Variants in FBRSL1 observed in about 807,000 individuals in gnomAD.
FBRSL1 encodes the protein fibrosin like 1, also known as fibrosin-1-like protein.
In FBRSL1, 51 loss-of-function variants were observed where a neutral mutation model predicts 89.6. That is an observed-to-expected ratio of 0.57 (90% CI 0.45 to 0.72). The LOEUF (loss-of-function observed/expected upper bound fraction) is 0.72. FBRSL1 is among the 30% of genes least tolerant of loss of function. The pLI, the probability that FBRSL1 is intolerant of heterozygous loss-of-function variation, is 0.00. For synonymous variants in FBRSL1, 779 were observed against 681.1 expected, an observed-to-expected ratio of 1.14 and a Z score of -2.24; for missense variants, 1,618 against 1,451.8, an observed-to-expected ratio of 1.11 and a Z score of -1.86.
At chr12:132,522,531 AG>A (rs1379301368) in intron 2 of FBRSL1, among the ~76,000 whole-genome samples, 2 of 152,052 alleles carry the variant, frequency 1.3e-5, no homozygotes, top group Non-Finnish European at 2.9e-5. Flanking sequence ...CAGGTTGCTG[AG>A]GGTTCAGGAA....
chr12:132,581,490 G>A lies in FBRSL1; in HGVS notation c.1886G>A (p.Ser629Asn), dbSNP rs1274787495. The A allele has an allele frequency of 1.3e-6, 2 of 1,551,106 alleles. No individual in the cohort carries two copies. The highest frequency in any genetic ancestry group is 1.7e-6 in the Non-Finnish European group (2 of 1,146,930). Residue 629 changes from serine (S) to asparagine (N), a missense_variant, in exon 16 of 19, where the codon AGC becomes AAC. By Grantham distance (46) the Ser-to-Asn change is conservative. Coordinates refer to ENST00000680143, the MANE Select transcript of FBRSL1 (RefSeq NM_001367871.1). Reference sequence around the variant, plus strand: ...TTTGGACCCTCAGCCCATCCTGGCAGCTTCCTGCCCACTGGCCCCCTGACA... The same window carrying A: ...TTTGGACCCTCAGCCCATCCTGGCAACTTCCTGCCCACTGGCCCCCTGACA... ...NPFGPSAHPG[S>N]FLPTGPLTDP...
At chr12:132,523,373 C>T (rs1167867692) in intron 2 of FBRSL1, among the ~76,000 whole-genome samples, 4 of 152,186 alleles carry the variant, frequency 2.6e-5, no homozygotes, top group Admixed American at 6.5e-5. Flanking sequence ...AGACCCCACC[C>T]CACGACCGGC....
intron 2 of FBRSL1, among the ~76,000 whole-genome samples, chr12:132,513,816 C>T (rs983571303): frequency 2.0e-5 from 3 of 152,172 alleles, no homozygotes; most frequent in Non-Finnish European, 2.9e-5. Flanking sequence ...AGCTCTAAGG[C>T]CCTTGGGTCC....
intron 1 of FBRSL1, among the ~76,000 whole-genome samples, chr12:132,500,018 G>A (rs989905533): frequency 2.7e-4 from 41 of 152,182 alleles, no homozygotes; most frequent in Admixed American, 2.5e-3. Context: ...AGGTCTCCAC[G>A]CCCGTCTTCC....
chr12:132,506,800 G>A (rs1211231906), intron 1 of FBRSL1, among the ~76,000 whole-genome samples: 1 of 152,256 alleles, frequency 6.6e-6, no homozygotes, highest in Non-Finnish European at 1.5e-5. Flanking sequence ...CTCACAGCAG[G>A]GCTCTGGGCC....
intron 4 of FBRSL1, among the ~76,000 whole-genome samples, chr12:132,532,911 G>T (rs930972983): frequency 3.9e-5 from 6 of 152,204 alleles, no homozygotes; most frequent in African/African-American, 7.2e-5. Context: ...CCCACCAGCC[G>T]CTGGGGTCCC....
chr12:132,571,558 G>C, intron 9 of FBRSL1: 1 of 1,327,670 alleles, frequency 7.5e-7, no homozygotes, highest in Non-Finnish European at 9.7e-7. Flanking sequence ...GGGGGCGGGG[G>C]CGGGCGTGGG....
chr12:132,507,264 C>G, intron 1 of FBRSL1: 1 of 985,576 alleles, frequency 1.0e-6, no homozygotes, highest in Non-Finnish European at 1.2e-6. Context: ...GTGCCCTCCC[C>G]GAGAGGATTC....
In FBRSL1 at chr12:132,570,131, G is replaced by T. The variant is rs1057176776; in HGVS notation, c.897G>T (p.Pro299=). ...CCCCCGCCCCGCACCGCCACACCCC[G>T]CAGCCGCCACCCCCGCAGCCCCGCG... ...KEPPAPHRHT[P]QPPPPQPRGL... is the part of the protein sequence containing the mutation. Residue 299 remains proline (P), a synonymous_variant, in exon 7 of 19, where the codon CCG becomes CCT. Transcript: ENST00000680143. The T allele has an allele frequency of 3.4e-6, 5 of 1,473,120 alleles. No individual in the cohort carries two copies. Among genetic ancestry groups the T allele is most frequent in the East Asian group, 2.8e-5 (1 of 36,094 alleles). 91.3% of individuals were successfully genotyped at this position (1,473,120 alleles called of 1,614,324 possible). A position where few individuals can be genotyped will look rare whatever the true frequency, so the allele number is the denominator to read the frequency against.
intron 8 of FBRSL1, among the ~76,000 whole-genome samples, 185 bp downstream of exon 8, chr12:132,570,725 T>C (rs1412365054): frequency 1.3e-5 from 2 of 152,170 alleles, no homozygotes; most frequent in African/African-American, 4.8e-5. Flanking sequence ...ACAGGCCATC[T>C]GTGTGCGGGG....
chr12:132,564,875 G>C (rs7961696), intron 5 of FBRSL1, among the ~76,000 whole-genome samples: 65,664 of 146,664 alleles, frequency 0.45, 15,395 homozygotes, highest in African/African-American at 0.52. Context: ...GTGATCCGCC[G>C]GCCTCGGCCT....
At chr12:132,522,540 G>GA in intron 2 of FBRSL1, among the ~76,000 whole-genome samples, 1 of 152,354 alleles carries the variant, frequency 6.6e-6, no homozygotes, top group South Asian at 2.1e-4. Flanking sequence ...GAGGGTTCAG[G>GA]AAATTTGAAG....
chr12:132,539,511 C>T (rs113118939), intron 4 of FBRSL1, among the ~76,000 whole-genome samples: 1,229 of 52,306 alleles, frequency 0.023, 101 homozygotes, highest in African/African-American at 0.082. Context: ...CCCACCCAGT[C>T]CTGCCCTCCA....
intron 4 of FBRSL1, among the ~76,000 whole-genome samples, chr12:132,535,972 CATG>C (rs1235492666): frequency 6.7e-6 from 1 of 149,872 alleles, no homozygotes; most frequent in Non-Finnish European, 1.5e-5. Context: ...CACGTGTGTC[CATG>C]ATGGTGTGAG....
chr12:132,551,388 T>C, intron 5 of FBRSL1: 1 of 455,992 alleles, frequency 2.2e-6, no homozygotes, highest in South Asian at 1.5e-5. Context: ...GTGGGGTCTG[T>C]GGGCGCTGAC....
At chr12:132,555,806 G>A (rs960059488) in intron 5 of FBRSL1, among the ~76,000 whole-genome samples, 1 of 152,190 alleles carries the variant, frequency 6.6e-6, no homozygotes, top group African/African-American at 2.4e-5. Context: ...AGGTCCACCT[G>A]GATAACCTGG....
At chr12:132,530,651 A>T (rs1282579143) in intron 4 of FBRSL1, among the ~76,000 whole-genome samples, 2 of 149,504 alleles carry the variant, frequency 1.3e-5, no homozygotes, top group Non-Finnish European at 3.0e-5. Context: ...CCCGTTATTA[A>T]CTTGCCAGCT....
intron 4 of FBRSL1, among the ~76,000 whole-genome samples, chr12:132,530,771 A>C (rs1209829830): frequency 2.7e-5 from 4 of 148,766 alleles, no homozygotes; most frequent in African/African-American, 9.9e-5. Context: ...GGCCTGCTGC[A>C]CTGGGGATGG....
chr12:132,572,658 G>C (rs761107433), intron 11 of FBRSL1, 36 bp downstream of exon 11: 4 of 1,456,014 alleles, frequency 2.7e-6, no homozygotes, highest in Non-Finnish European at 3.8e-6. Context: ...CGGGCACAGC[G>C]GGTGGGTGGA....
Sources: gnomAD v4.1 joint callset for allele counts (sites outside exome capture counted in the v4.1 genomes callset) on GRCh38, gnomAD v4.1.1 for gene constraint, MANE v1.5 for transcripts, NCBI Gene and HGNC (gene_info 2026-07-23, HGNC 2026-07-21) for gene names.